The following AP1S3 variants were observed in gnomAD, a reference collection of about 807,000 sequenced individuals.
AP1S3 encodes AP-1 complex subunit sigma-3.
A neutral mutation model predicts 20.9 loss-of-function variants in AP1S3; 10 were observed. That is an observed-to-expected ratio of 0.48 (90% confidence interval 0.29 to 0.81). The LOEUF is 0.81. AP1S3 is among the 30% of genes least tolerant of loss of function. The probability of loss-of-function intolerance (pLI) is 0.08; values close to 1 mark genes in which losing one functional copy is unlikely to be tolerated. For missense variants in AP1S3, 154 were observed against 183.8 expected, an observed-to-expected ratio of 0.84 and a Z score of 0.94; for synonymous variants, 41 against 61.5, an observed-to-expected ratio of 0.67 and a Z score of 1.56.
chr2:223,820,267 G>C (rs74628790), intron 1 of AP1S3, among the ~76,000 whole-genome samples: 1 of 152,050 alleles, frequency 6.6e-6, no homozygotes, highest in East Asian at 1.9e-4. Flanking sequence ...TGAAGTTTTC[G>C]CATTTAGGTC....
chr2:223,791,348 C>T (rs913065337), intron 1 of AP1S3, among the ~76,000 whole-genome samples: 1 of 152,184 alleles, frequency 6.6e-6, no homozygotes, highest in South Asian at 2.1e-4. Flanking sequence ...ATCAAGTTGG[C>T]TTCATCCCCA....
intron 1 of AP1S3, among the ~76,000 whole-genome samples, chr2:223,833,882 TTTTATTTATTTATTTA>T (rs71408596): frequency 9.6e-5 from 14 of 146,032 alleles, no homozygotes; most frequent in African/African-American, 2.0e-4. Flanking sequence ...TTTACACTCT[TTTTATTTATTTATTTA>T]TTTATTTATT....
At chr2:223,830,362 C>T (rs1692230191) in intron 1 of AP1S3, among the ~76,000 whole-genome samples, 1 of 151,348 alleles carries the variant, frequency 6.6e-6, no homozygotes, top group African/African-American at 2.4e-5. Context: ...ACCTGTAGTC[C>T]CAGCTACTCA....
In AP1S3 at chr2:223,773,394, A is replaced by G. The variant is rs1016260253; in HGVS notation, c.291+2507T>C. The G allele has an allele frequency of 2.3e-6, 3 of 1,296,876 alleles. No homozygotes were observed. In the African/African-American group the frequency reaches 4.6e-5, roughly 20 times the overall value. The allele number at this position is 1,296,876 out of a possible 1,614,324, so 80.3% of individuals were successfully genotyped here. A position where few individuals can be genotyped will look rare whatever the true frequency, so the allele number is the denominator to read the frequency against. On this transcript the variant is annotated intron_variant, in intron 3 of 4. Transcript: ENST00000396654. ...GGAAAGTACAAAAATGTGAGAATTC[A>G]TTTGAATAGTAGAAAGTATTAAATA...
intron 1 of AP1S3, among the ~76,000 whole-genome samples, chr2:223,786,284 T>G (rs1015982565): frequency 6.6e-6 from 1 of 152,184 alleles, no homozygotes; most frequent in African/African-American, 2.4e-5. Context: ...CCCTAATAAC[T>G]ATTTTTCTTT....
At chr2:223,793,922 G>A (rs1691275033) in intron 1 of AP1S3, among the ~76,000 whole-genome samples, 1 of 152,060 alleles carries the variant, frequency 6.6e-6, no homozygotes. Context: ...GGGATTACAG[G>A]TGTGAGCCAC....
rs1434250876 is a variant in AP1S3 at position 223,758,003 on chromosome 2, G to A, written c.*712C>T. 1.0e-6 allele frequency: 1 copy of A among 970,018 alleles called. No homozygotes were observed. Among genetic ancestry groups the A allele is most frequent in the Admixed American group, 6.2e-5 (1 of 16,208 alleles). 60.1% of individuals were successfully genotyped at this position (970,018 alleles called of 1,614,324 possible). Reference sequence around the variant, plus strand: ...CTCTATAAACCTTAATAAATATATAGTTCATAGAAAACCTTATTGGAATGT... The same window carrying A: ...CTCTATAAACCTTAATAAATATATAATTCATAGAAAACCTTATTGGAATGT... On this transcript the variant is annotated 3_prime_UTR_variant, in exon 5 of 5. Transcript: ENST00000396654.
At chr2:223,769,831 C>T (rs568407386) in intron 3 of AP1S3, among the ~76,000 whole-genome samples, 74 of 149,846 alleles carry the variant, frequency 4.9e-4, no homozygotes, top group African/African-American at 1.7e-3. Context: ...GAAGGCTCCG[C>T]CCCCCGGGGT....
chr2:223,779,813 C>T (rs2106092480), intron 1 of AP1S3, among the ~76,000 whole-genome samples: 1 of 152,020 alleles, frequency 6.6e-6, no homozygotes, highest in South Asian at 2.1e-4. Flanking sequence ...AATAAAAATA[C>T]AAAATTAGCC....
At chr2:223,820,080 T>C (rs1259554518) in intron 1 of AP1S3, among the ~76,000 whole-genome samples, 1 of 152,240 alleles carries the variant, frequency 6.6e-6, no homozygotes, top group Non-Finnish European at 1.5e-5. Context: ...CCAGAATTCC[T>C]TTCTATTGTG....
chr2:223,816,614 G>A (rs1559143569), intron 1 of AP1S3, among the ~76,000 whole-genome samples: 1 of 152,208 alleles, frequency 6.6e-6, no homozygotes. Flanking sequence ...ATTCTAATAA[G>A]ATCAGTCTGA....
chr2:223,798,600 A>T (rs1221954520), intron 1 of AP1S3, among the ~76,000 whole-genome samples: 4 of 152,220 alleles, frequency 2.6e-5, no homozygotes, highest in Non-Finnish European at 5.9e-5. Flanking sequence ...TCTGTCTGTT[A>T]TCCATCCACC....
intron 1 of AP1S3, among the ~76,000 whole-genome samples, chr2:223,787,495 G>A (rs191279230): frequency 6.6e-6 from 1 of 152,342 alleles, no homozygotes; most frequent in Admixed American, 6.5e-5. Flanking sequence ...GACAGAGACA[G>A]AAATGAGATG....
chr2:223,800,864 A>G (rs1691452462), intron 1 of AP1S3, among the ~76,000 whole-genome samples: 1 of 152,222 alleles, frequency 6.6e-6, no homozygotes, highest in Non-Finnish European at 1.5e-5. Flanking sequence ...AAATAAAAGT[A>G]TACAAATAGG....
At chr2:223,818,033 A>C (rs1035251638) in intron 1 of AP1S3, among the ~76,000 whole-genome samples, 1 of 151,972 alleles carries the variant, frequency 6.6e-6, no homozygotes, top group Non-Finnish European at 1.5e-5. Context: ...AAAAAAGATT[A>C]AGTTGTTGGC....
chr2:223,770,014 G>A, intron 3 of AP1S3, among the ~76,000 whole-genome samples: 1 of 152,126 alleles, frequency 6.6e-6, no homozygotes. Context: ...AAAGTGCTGG[G>A]ATTACAGGCG....
In AP1S3 at chr2:223,777,825, T is replaced by C. The variant is rs777644552; in HGVS notation, c.48A>G (p.Leu16=). ...CAGGGAGAGTGATGTACCATTTCTG[T>C]AGCCGTAATTTCCCTTGTCGACTGA... The part of the protein sequence containing the change: ...LLFSRQGKLR[L]QKWYITLPDK... The change falls in exon 2 of 5, where the codon CTA becomes CTG. Residue 16 remains leucine (L), a synonymous_variant. Transcript: ENST00000396654. 3.1e-6 allele frequency: 5 copies of C among 1,614,106 alleles called. No homozygotes were observed. Among genetic ancestry groups the C allele is most frequent in the Non-Finnish European group, 3.4e-6 (4 of 1,180,014 alleles).
Position 223,756,674 on chromosome 2 carries a change from T to G in AP1S3, c.*2041A>C. 1.0e-6 allele frequency: 1 copy of G among 985,420 alleles called. No homozygotes were observed. The highest frequency in any genetic ancestry group is 6.1e-5 in the Admixed American group (1 of 16,290). 61.0% of individuals were successfully genotyped at this position (985,420 alleles called of 1,614,324 possible). A position where few individuals can be genotyped will look rare whatever the true frequency, so the allele number is the denominator to read the frequency against. ...TTATTTTATATGCTAATCTGAGTTA[T>G]TTCCTTTGAACAATGGTTATATTGA... On this transcript the variant is annotated 3_prime_UTR_variant, in exon 5 of 5. Coordinates refer to ENST00000396654, the MANE Select transcript of AP1S3 (RefSeq NM_001039569.2).
At chr2:223,761,110 G>A (rs1487243705) in intron 4 of AP1S3, among the ~76,000 whole-genome samples, 1 of 152,146 alleles carries the variant, frequency 6.6e-6, no homozygotes, top group African/African-American at 2.4e-5. Flanking sequence ...GTAAAAGTTG[G>A]CATTTTCTTG....
Sources: allele counts gnomAD v4.1 joint callset (sites outside exome capture counted in the v4.1 genomes callset), GRCh38; gene constraint gnomAD v4.1.1; transcripts MANE v1.5; gene names NCBI Gene and HGNC (gene_info 2026-07-23, HGNC 2026-07-21).